The following MAMLD1 variants were observed in gnomAD, a reference collection of about 807,000 sequenced individuals.
MAMLD1 encodes mastermind-like domain-containing protein 1.
MAMLD1 carries 14 observed loss-of-function variants against 45.0 expected under a neutral mutation model. That is an observed-to-expected ratio of 0.31 (90% CI 0.21 to 0.49). The LOEUF (loss-of-function observed/expected upper bound fraction) is 0.49. MAMLD1 is among the 20% of genes least tolerant of loss of function. MAMLD1 has a pLI of 0.99. For missense variants in MAMLD1, 543 were observed against 603.6 expected (o/e 0.90, Z 1.05); for synonymous variants, 254 against 247.8 (o/e 1.02, Z -0.24).
chrX:150,444,659 A>G (rs1226740782), intron 1 of MAMLD1, among the ~76,000 whole-genome samples: 3 of 112,237 alleles, frequency 2.7e-5, no homozygotes, highest in Non-Finnish European at 5.6e-5. Flanking sequence ...TTAGAGGCTG[A>G]TGCTGTACTG....
chrX:150,396,273 G>A (rs1262493272), intron 1 of MAMLD1, among the ~76,000 whole-genome samples: 3 of 103,519 alleles, frequency 2.9e-5, no homozygotes, highest in Admixed American at 1.1e-4. Context: ...TGGGATTACA[G>A]GTGTGAGCCA....
At chrX:150,491,857 C>A (rs1161233827) in intron 5 of MAMLD1, among the ~76,000 whole-genome samples, 1 of 112,001 alleles carries the variant, frequency 8.9e-6, no homozygotes, top group Non-Finnish European at 1.9e-5. Flanking sequence ...TTACCTTTTT[C>A]GTCTCAGACC....
At chrX:150,424,370 C>T (rs2034633501) in intron 1 of MAMLD1, among the ~76,000 whole-genome samples, 1 of 112,029 alleles carries the variant, frequency 8.9e-6, no homozygotes, top group African/African-American at 3.2e-5. Context: ...ATGAAAATTT[C>T]CTGAAATCAA....
intron 1 of MAMLD1, among the ~76,000 whole-genome samples, chrX:150,398,337 A>G (rs4477153): frequency 0.012 from 596 of 51,373 alleles, 5 homozygotes; most frequent in African/African-American, 0.023. Context: ...AAGAAGAAGA[A>G]GAAGAGGAAG....
At chrX:150,427,360 G>T (rs905284391) in intron 1 of MAMLD1, among the ~76,000 whole-genome samples, 2 of 112,429 alleles carry the variant, frequency 1.8e-5, no homozygotes, top group African/African-American at 3.2e-5. Context: ...AAGTAGATGT[G>T]TTCCATTCTT....
chrX:150,434,282 G>C (rs1180612996), intron 1 of MAMLD1, among the ~76,000 whole-genome samples: 1 of 110,439 alleles, frequency 9.1e-6, no homozygotes, highest in Non-Finnish European at 1.9e-5. Context: ...TATTTATTTG[G>C]ATCCTCTCTC....
rs1360279466 is a variant in MAMLD1 at position 150,392,530 on chromosome X, G to A, written c.-64+29000G>A. On this transcript the variant is annotated intron_variant, in intron 1 of 7. Coordinates refer to ENST00000370401, the MANE Select transcript of MAMLD1 (RefSeq NM_005491.5). ...CTGATGGGGAAGTGGTAGCATGCTT[G>A]GGCCCCTGACACCTCTGGGCAGGGG... Among the ~76,000 whole-genome samples the A allele has an allele frequency of 5.4e-5, 6 of 110,594 alleles. No homozygotes were observed. The East Asian group carries it at 1.4e-3, about 27-fold the overall frequency.
chrX:150,460,877 A>T (rs1450118226), intron 2 of MAMLD1, among the ~76,000 whole-genome samples: 1 of 112,050 alleles, frequency 8.9e-6, no homozygotes, highest in Non-Finnish European at 1.9e-5. Context: ...TTGGCTCATC[A>T]GGGCCCAGTC....
intron 1 of MAMLD1, among the ~76,000 whole-genome samples, chrX:150,423,695 C>T (rs924797335): frequency 5.4e-5 from 6 of 110,764 alleles, no homozygotes; most frequent in Non-Finnish European, 9.4e-5. Context: ...TGGAACAGCA[C>T]CCTCCAACAC....
intron 1 of MAMLD1, among the ~76,000 whole-genome samples, chrX:150,403,124 A>G: frequency 9.0e-6 from 1 of 111,721 alleles, no homozygotes; most frequent in East Asian, 2.8e-4. Context: ...TTCAGCCCCC[A>G]AAGGAAATAA....
At chrX:150,384,836 C>T (rs1311627203) in intron 1 of MAMLD1, among the ~76,000 whole-genome samples, 7 of 111,260 alleles carry the variant, frequency 6.3e-5, no homozygotes, top group Admixed American at 1.9e-4. Flanking sequence ...GTACATGATT[C>T]GATATATGTA....
chrX:150,423,309 G>A (rs782519514), intron 1 of MAMLD1, among the ~76,000 whole-genome samples: 1 of 107,397 alleles, frequency 9.3e-6, no homozygotes, highest in Admixed American at 1.0e-4. Flanking sequence ...GGGACACATT[G>A]TTTTTAAAAT....
intron 1 of MAMLD1, among the ~76,000 whole-genome samples, chrX:150,398,290 G>GAAGAAGAAGAAT (rs2033544318): frequency 1.2e-5 from 1 of 84,319 alleles, no homozygotes; most frequent in Non-Finnish European, 2.3e-5. Context: ...AGAAGAAGAA[G>GAAGAAGAAGAAT]AAGAAGAAGA....
chrX:150,368,101 T>C (rs375197076), intron 1 of MAMLD1, among the ~76,000 whole-genome samples: 3 of 111,848 alleles, frequency 2.7e-5, no homozygotes, highest in East Asian at 5.6e-4. Flanking sequence ...GGTCAAATGG[T>C]ATTTCTACTT....
Position 150,382,463 on chromosome X carries a change from G to A in MAMLD1, c.-64+18933G>A, listed in dbSNP as rs183767703. Reference sequence around the variant, plus strand: ...GTTTCTCAAAATTGTTTTAACCTAGGACTTGTGCCTTTCCATATATTTTAG... The same window carrying A: ...GTTTCTCAAAATTGTTTTAACCTAGAACTTGTGCCTTTCCATATATTTTAG... On this transcript the variant is annotated intron_variant, in intron 1 of 7. Transcript: ENST00000370401. Among the ~76,000 whole-genome samples, 398 of 111,288 alleles carry A rather than the reference G, an allele frequency of 3.6e-3. 1 individual carries two copies. The highest frequency in any genetic ancestry group is 4.8e-3 in the Non-Finnish European group (252 of 53,003).
chrX:150,460,817 A>G (rs1557405584), intron 2 of MAMLD1, among the ~76,000 whole-genome samples: 1 of 112,092 alleles, frequency 8.9e-6, no homozygotes, highest in Non-Finnish European at 1.9e-5. Flanking sequence ...GCTTAGCTCT[A>G]CCAGATGTCC....
intron 1 of MAMLD1, among the ~76,000 whole-genome samples, chrX:150,370,837 G>A (rs1337429659): frequency 1.8e-5 from 2 of 112,184 alleles, no homozygotes; most frequent in Admixed American, 1.9e-4. Flanking sequence ...CCCCCCGGGG[G>A]AGGGAATAGC....
Position 150,513,283 on chromosome X carries a change from T to C in MAMLD1, c.*1324T>C, listed in dbSNP as rs2037956465. On this transcript the variant is annotated 3_prime_UTR_variant, in exon 8 of 8. Coordinates refer to ENST00000370401, the MANE Select transcript of MAMLD1 (RefSeq NM_005491.5). ...ATTTTGTAAATGGTTTTCCTAAACA[T>C]TAATGACAGAAGTATTTATACTTCA... The C allele has an allele frequency of 5.0e-6, 2 of 402,763 alleles. No individual in the cohort carries two copies. The highest frequency in any genetic ancestry group is 3.9e-5 in the East Asian group (1 of 25,949). The allele number at this position is 402,763 out of a possible 1,213,427, so 33.2% of individuals were successfully genotyped here. A position where few individuals can be genotyped will look rare whatever the true frequency, so the allele number is the denominator to read the frequency against.
In MAMLD1 at chrX:150,513,476, T is replaced by C. The variant is rs2037960621; in HGVS notation, c.*1517T>C. On this transcript the variant is annotated 3_prime_UTR_variant, in exon 8 of 8. Transcript: ENST00000370401. ...TGAGTCGCTTATGGTTTTAATGCAA[T>C]GAGCAATGTGGATATGACCAAGAGT... 4.2e-6 allele frequency: 1 copy of C among 240,320 alleles called. No homozygotes were observed. The highest frequency in any genetic ancestry group is 6.2e-5 in the Admixed American group (1 of 16,103). The allele number at this position is 240,320 out of a possible 1,213,427, so 19.8% of individuals were successfully genotyped here.
Sources: gnomAD v4.1 joint callset for allele counts (sites outside exome capture counted in the v4.1 genomes callset) on GRCh38, gnomAD v4.1.1 for gene constraint, MANE v1.5 for transcripts, NCBI Gene and HGNC (gene_info 2026-07-23, HGNC 2026-07-21) for gene names.